ACSM2B: variants seen among roughly 807,000 people sequenced by gnomAD.
ACSM2B encodes acyl-coenzyme A synthetase ACSM2B, mitochondrial.
In ACSM2B, 58 loss-of-function variants were observed where a neutral mutation model predicts 78.6. That is an observed-to-expected ratio of 0.74 (90% CI 0.60 to 0.92). The LOEUF (loss-of-function observed/expected upper bound fraction) is 0.92. ACSM2B is among the 40% of genes least tolerant of loss of function. The pLI, the probability that ACSM2B is intolerant of heterozygous loss-of-function variation, is 0.00. For missense variants in ACSM2B, 688 were observed against 711.2 expected (o/e 0.97, Z 0.37); for synonymous variants, 257 against 256.8 (o/e 1.00, Z -0.01).
chr16:20,546,921 T>A (rs766360240), intron 8 of ACSM2B: 14 of 191,238 alleles, frequency 7.3e-5, no homozygotes, highest in Non-Finnish European at 1.4e-4. Context: ...TATGAAATAA[T>A]CACATCATGA....
At chr16:20,557,977 T>C (rs2015528242) in intron 3 of ACSM2B, among the ~76,000 whole-genome samples, 1 of 152,188 alleles carries the variant, frequency 6.6e-6, no homozygotes, top group African/African-American at 2.4e-5. Context: ...ACAAAAATGA[T>C]AATAGCTCCC....
At chr16:20,561,838 A>G (rs958256669) in intron 2 of ACSM2B, among the ~76,000 whole-genome samples, 53 of 147,380 alleles carry the variant, frequency 3.6e-4, no homozygotes, top group Middle Eastern at 3.4e-3. Flanking sequence ...AACATTAGGT[A>G]TATCGCCTAA....
intron 1 of ACSM2B, chr16:20,574,308 T>G (rs2016184596): frequency 6.6e-6 from 1 of 152,174 alleles, no homozygotes. Flanking sequence ...CTGTTCTTTT[T>G]CCGGGTATAC....
rs1366914997 is a variant in ACSM2B at position 20,560,743 on chromosome 16, A to G, written c.178-1296T>C. Among the ~76,000 whole-genome samples the G allele has an allele frequency of 3.9e-5, 6 of 152,096 alleles. No homozygotes were observed. In the East Asian group the frequency reaches 9.6e-4, roughly 24 times the overall value. ...ATGGGAAGAAATTGAAGAGTTTGGA[A>G]GGCTTAGAAGAGATAGAAAGATGAG... On this transcript the variant is annotated intron_variant, in intron 2 of 13. Coordinates refer to ENST00000329697, the MANE Select transcript of ACSM2B (RefSeq NM_001105069.2).
intron 3 of ACSM2B, among the ~76,000 whole-genome samples, chr16:20,558,015 G>A (rs531379109): frequency 6.6e-6 from 1 of 152,312 alleles, no homozygotes; most frequent in Admixed American, 6.5e-5. Flanking sequence ...TCCGTGCTTG[G>A]AGATTGAAAC....
chr16:20,540,224 GT>G (rs67241828), intron 13 of ACSM2B, among the ~76,000 whole-genome samples: 10,916 of 77,376 alleles, frequency 0.14, 611 homozygotes, highest in East Asian at 0.23. Context: ...TTTTTTTTTT[GT>G]TTTTTTTTTT....
chr16:20,559,707 T>C (rs1231236912), intron 2 of ACSM2B, among the ~76,000 whole-genome samples: 2 of 142,726 alleles, frequency 1.4e-5, no homozygotes, highest in Non-Finnish European at 2.9e-5. Context: ...ACCCATTATA[T>C]ATTAGCATGC....
At position 20,557,240 on chromosome 16, in the gene ACSM2B, C is replaced by G. The variant is rs143363940; in HGVS notation, c.389-1764G>C. Among the ~76,000 whole-genome samples the G allele has an allele frequency of 3.9e-4, 59 of 152,268 alleles. 1 individual carries two copies. In the East Asian group the frequency reaches 0.01, roughly 26 times the overall value. ...ACTTCTTGAACATCACATGGACATC[C>G]TGGACTCAACATGCCCAAATTGAAC... On this transcript the variant is annotated intron_variant, in intron 3 of 13. Coordinates refer to ENST00000329697, the MANE Select transcript of ACSM2B (RefSeq NM_001105069.2).
chr16:20,537,464 C>A (rs966069653), intron 13 of ACSM2B, 102 bp from the exon 14 acceptor site: 11 of 1,369,792 alleles, frequency 8.0e-6, no homozygotes, highest in East Asian at 2.3e-5. Context: ...CAGGCTGGAG[C>A]CACTTCAGGG....
intron 4 of ACSM2B, 126 bp downstream of exon 4, chr16:20,555,143 C>G (rs2015431356): frequency 6.8e-7 from 1 of 1,461,994 alleles, no homozygotes; most frequent in Admixed American, 2.2e-5. Flanking sequence ...TTATTTCTTC[C>G]CAGCTTCACT....
chr16:20,573,225 G>C (rs1353523582), intron 1 of ACSM2B, among the ~76,000 whole-genome samples: 1 of 151,698 alleles, frequency 6.6e-6, no homozygotes, highest in East Asian at 2.0e-4. Flanking sequence ...GGGGCTCAAG[G>C]CTACTGTTCA....
intron 1 of ACSM2B, among the ~76,000 whole-genome samples, chr16:20,569,838 G>T (rs1436731188): frequency 6.6e-6 from 1 of 151,780 alleles, no homozygotes. Flanking sequence ...AAGGGGTTGA[G>T]TTCTTGATTT....
rs752853155 is a variant in ACSM2B at position 20,552,268 on chromosome 16, A to G, written c.770T>C (p.Met257Thr). 5 of 1,613,452 alleles carry G rather than the reference A, an allele frequency of 3.1e-6. No individual in the cohort carries two copies. The highest frequency in any genetic ancestry group is 1.1e-5 in the South Asian group (1 of 90,922). The change falls in exon 6 of 14, where the codon ATG becomes ACG. Residue 257 changes from methionine (M) to threonine (T), a missense_variant. By Grantham distance (81) the Met-to-Thr change is moderately conservative (BLOSUM62 -1). Transcript: ENST00000329697. The stretch of plus-strand genomic sequence containing the variant: ...CCAACCTGTGTCTGATATGGTCCAC[A>G]TTATATCAGAGGCTTGCAGGCCTGT... ...GWTGLQASDI[M>T]WTISDTGWIL...
intron 10 of ACSM2B, 68 bp downstream of exon 10, chr16:20,545,089 C>T: frequency 1.3e-6 from 2 of 1,511,478 alleles, no homozygotes; most frequent in East Asian, 2.3e-5. Flanking sequence ...GAACATTTGT[C>T]CTCCCTCATC....
At chr16:20,542,563 G>T in intron 12 of ACSM2B, 1 of 278,228 alleles carries the variant, frequency 3.6e-6, no homozygotes, top group Non-Finnish European at 6.8e-6. Flanking sequence ...ATTAACATGG[G>T]AGTGTAGACA....
At chr16:20,538,796 G>C (rs1354046348) in intron 13 of ACSM2B, among the ~76,000 whole-genome samples, 1 of 152,268 alleles carries the variant, frequency 6.6e-6, no homozygotes, top group South Asian at 2.1e-4. Flanking sequence ...TATCGAGTAA[G>C]TGGTGGAGGT....
chr16:20,550,541 G>A (rs1356778337), intron 6 of ACSM2B, among the ~76,000 whole-genome samples: 1 of 151,952 alleles, frequency 6.6e-6, no homozygotes, highest in Non-Finnish European at 1.5e-5. Context: ...CTTTTGAGAA[G>A]GACACAGAGT....
At position 20,548,196 on chromosome 16, in the gene ACSM2B, G is replaced by A. The variant is rs771022459; in HGVS notation, c.975-11C>T. On this transcript the variant is annotated splice_polypyrimidine_tract_variant and intron_variant, in intron 7 of 13. Coordinates refer to ENST00000329697, the MANE Select transcript of ACSM2B (RefSeq NM_001105069.2). ...TGGGGGAACTTGTAACTGAAGAAGAGAAATAAATGTTTGCCCTCAGCCTCC... is the reference window on the plus strand; with the variant it reads ...TGGGGGAACTTGTAACTGAAGAAGAAAAATAAATGTTTGCCCTCAGCCTCC... 18 of 1,613,868 alleles carry A rather than the reference G, an allele frequency of 1.1e-5. No individual in the cohort carries two copies. The highest frequency in any genetic ancestry group is 1.4e-5 in the Non-Finnish European group (16 of 1,179,912).
rs1287133590 is a variant in ACSM2B at position 20,567,597 on chromosome 16, GATATATA to G, written c.-8-2751_-8-2745del. 2.1e-4 allele frequency among the ~76,000 whole-genome samples: 27 copies of G among 128,516 alleles called. 1 individual carries two copies. Among genetic ancestry groups the G allele is most frequent in the Middle Eastern group, 9.1e-3 (2 of 220 alleles). 84.3% of individuals were successfully genotyped at this position (128,516 alleles called of 152,430 possible). On this transcript the variant is annotated intron_variant, in intron 1 of 13. Transcript: ENST00000329697. ...TAAAAATATATAAATAATAATATAAGATATATAATATATAATATATAGTATATTATAT... is the reference window on the plus strand; with the variant it reads ...TAAAAATATATAAATAATAATATAAGATATATAATATATAGTATATTATAT...
Sources: allele counts gnomAD v4.1 joint callset (sites outside exome capture counted in the v4.1 genomes callset), GRCh38; gene constraint gnomAD v4.1.1; transcripts MANE v1.5; gene names NCBI Gene and HGNC (gene_info 2026-07-23, HGNC 2026-07-21).